PCDHA8: variants seen among roughly 807,000 people sequenced by gnomAD.
PCDHA8 encodes protocadherin alpha 8.
Under a neutral mutation model 61.8 loss-of-function variants are expected in PCDHA8, and 53 were observed. The observed-to-expected ratio is 0.86, with a 90% CI of 0.69 to 1.08. The LOEUF is 1.08. PCDHA8 is among the 50% of genes least tolerant of loss of function. The pLI is 0.00. For synonymous variants in PCDHA8, 618 were observed against 556.6 expected (o/e 1.11, Z -1.55); for missense variants, 1,293 against 1,245.0 (o/e 1.04, Z -0.58).
rs1190939164 is a variant in PCDHA8, at chr5:140,968,882, C to T, written c.2395-10067C>T. ...CCCTCGGACATACTCTGAAATTACC[C>T]TTTATCTAATAATAGCATTAAGCAC... On this transcript the variant is annotated intron_variant, in intron 1 of 3. Transcript: ENST00000531613. 6 of 1,614,066 alleles carry T rather than the reference C, an allele frequency of 3.7e-6. No individual in the cohort carries two copies. The African/African-American group carries it at 6.7e-5, about 18-fold the overall frequency.
chr5:140,885,670 C>T (rs1351720729), intron 1 of PCDHA8, among the ~76,000 whole-genome samples: 2 of 152,138 alleles, frequency 1.3e-5, no homozygotes, highest in African/African-American at 4.8e-5. Flanking sequence ...TATGAGCACT[C>T]TTTCTATCTC....
Position 140,841,611 on chromosome 5 carries a change from G to A in PCDHA8, c.290G>A (p.Gly97Glu), listed in dbSNP as rs2150319293. ...CGGATCGACCGCGAGGAGCTGTGCG[G>A]GCGGAGCGCGGAGTGCAGCATCCAC... ...NSRIDREELC[G>E]RSAECSIHLE... The change falls in exon 1 of 4, where the codon GGG becomes GAG. Residue 97 changes from glycine (G) to glutamate (E), a missense_variant. Transcript: ENST00000531613. 6 of 1,614,136 alleles carry A rather than the reference G, an allele frequency of 3.7e-6. No individual in the cohort carries two copies. The highest frequency in any genetic ancestry group is 4.2e-6 in the Non-Finnish European group (5 of 1,180,014).
intron 1 of PCDHA8, among the ~76,000 whole-genome samples, chr5:140,932,536 T>G (rs1176427449): frequency 1.3e-5 from 2 of 151,940 alleles, no homozygotes. Flanking sequence ...TTCAAGGTGC[T>G]TTATTTAACA....
At chr5:141,009,279 A>T (rs2098404369) in intron 3 of PCDHA8, among the ~76,000 whole-genome samples, 1 of 152,124 alleles carries the variant, frequency 6.6e-6, no homozygotes, top group Non-Finnish European at 1.5e-5. Flanking sequence ...ACATAGTGAG[A>T]TCCCATTTCT....
intron 1 of PCDHA8, among the ~76,000 whole-genome samples, chr5:140,925,729 A>AAATATTTACAGAAAG (rs1334705925): frequency 8.6e-5 from 13 of 151,770 alleles, no homozygotes; most frequent in African/African-American, 2.9e-4. Context: ...GGTGTTTTCT[A>AAATATTTACAGAAAG]AATATTTACA....
chr5:140,963,300 TAAG>T (rs1387833703), intron 1 of PCDHA8, among the ~76,000 whole-genome samples: 2 of 152,120 alleles, frequency 1.3e-5, no homozygotes, highest in African/African-American at 4.8e-5. Flanking sequence ...GGAGAGAAAA[TAAG>T]AAGCTGTTTG....
intron 3 of PCDHA8, among the ~76,000 whole-genome samples, chr5:140,984,328 G>A (rs1221209076): frequency 3.3e-5 from 5 of 152,156 alleles, no homozygotes; most frequent in African/African-American, 1.2e-4. Context: ...GGCAAATGTG[G>A]AATAGGAACC....
At chr5:140,960,299 A>G (rs246005) in intron 1 of PCDHA8, among the ~76,000 whole-genome samples, 1 of 151,808 alleles carries the variant, frequency 6.6e-6, no homozygotes. Flanking sequence ...TTTCTTCATC[A>G]ATACCAACCT....
At chr5:140,900,957 A>C (rs1264192105) in intron 1 of PCDHA8, among the ~76,000 whole-genome samples, 1 of 152,206 alleles carries the variant, frequency 6.6e-6, no homozygotes, top group African/African-American at 2.4e-5. Flanking sequence ...TCTGATTATC[A>C]GTGATGTTGA....
intron 1 of PCDHA8, among the ~76,000 whole-genome samples, chr5:140,902,390 A>G (rs1051277099): frequency 2.6e-5 from 4 of 151,960 alleles, no homozygotes; most frequent in Admixed American, 1.3e-4. Flanking sequence ...TAAGAGTACT[A>G]TGTTGAATAC....
intron 1 of PCDHA8, chr5:140,967,908 A>T (rs554849478): frequency 6.2e-7 from 1 of 1,614,138 alleles, no homozygotes; most frequent in Non-Finnish European, 8.5e-7. Context: ...GCTACACCCA[A>T]CACCATTGTG....
intron 1 of PCDHA8, among the ~76,000 whole-genome samples, chr5:140,920,362 T>C (rs1167382464): frequency 6.6e-6 from 1 of 152,238 alleles, no homozygotes; most frequent in African/African-American, 2.4e-5. Context: ...GTTCTATTCA[T>C]TTATTCTTGT....
At chr5:140,970,753 C>T (rs1282500516) in intron 1 of PCDHA8, among the ~76,000 whole-genome samples, 1 of 152,176 alleles carries the variant, frequency 6.6e-6, no homozygotes, top group Non-Finnish European at 1.5e-5. Context: ...AATATATTTT[C>T]ATTGACATAT....
intron 1 of PCDHA8, among the ~76,000 whole-genome samples, chr5:140,938,718 G>A (rs1186763511): frequency 5.3e-5 from 8 of 151,986 alleles, no homozygotes; most frequent in Non-Finnish European, 1.0e-4. Flanking sequence ...ATAGAAACGC[G>A]TTTCTACAGA....
At chr5:140,871,677 T>C in intron 1 of PCDHA8, 1 of 1,122,130 alleles carries the variant, frequency 8.9e-7, no homozygotes, top group Non-Finnish European at 1.2e-6. Flanking sequence ...TTTAATCATA[T>C]GAATAATCTG....
intron 1 of PCDHA8, among the ~76,000 whole-genome samples, chr5:140,956,166 C>T (rs180917985): frequency 7.2e-5 from 11 of 152,232 alleles, no homozygotes; most frequent in Non-Finnish European, 1.5e-4. Flanking sequence ...TTGCCATAGC[C>T]AGAACTTCCA....
chr5:140,919,306 A>G (rs1407810868), intron 1 of PCDHA8, among the ~76,000 whole-genome samples: 1 of 152,150 alleles, frequency 6.6e-6, no homozygotes. Context: ...TGTACAATAT[A>G]TGTTTTCCCA....
intron 1 of PCDHA8, chr5:140,867,841 C>T (rs1554161566): frequency 1.3e-5 from 2 of 151,958 alleles, no homozygotes; most frequent in African/African-American, 4.8e-5. Flanking sequence ...GGTAATTTAC[C>T]ATTTAGTTGA....
intron 1 of PCDHA8, among the ~76,000 whole-genome samples, chr5:140,888,814 T>C (rs1052564071): frequency 6.6e-6 from 1 of 152,126 alleles, no homozygotes; most frequent in Non-Finnish European, 1.5e-5. Context: ...TGATCTGTGA[T>C]CTGTGATCAC....
Sources: allele counts gnomAD v4.1 joint callset (sites outside exome capture counted in the v4.1 genomes callset), GRCh38; gene constraint gnomAD v4.1.1; transcripts MANE v1.5; gene names NCBI Gene and HGNC (gene_info 2026-07-23, HGNC 2026-07-21).